MTMR8: variants seen among roughly 807,000 people sequenced by gnomAD.
The protein encoded by MTMR8 is myotubularin related protein 8, also known as phosphatidylinositol-3,5-bisphosphate 3-phosphatase MTMR8.
Under a neutral mutation model 39.3 loss-of-function variants are expected in MTMR8, and 65 were observed. The ratio of observed to expected loss-of-function variants is 1.65; its 90% CI spans 1.35 to 2.03. The LOEUF (loss-of-function observed/expected upper bound fraction) is 2.03, where lower values mean the gene tolerates loss of function less well. Ranked by LOEUF, MTMR8 falls within the 30% of genes most tolerant of loss-of-function variation. The pLI, the probability that MTMR8 is intolerant of heterozygous loss-of-function variation, is 0.00. For synonymous variants in MTMR8, 245 were observed against 185.2 expected (o/e 1.32, Z -2.62); for missense variants, 777 against 538.9 (o/e 1.44, Z -4.37).
At chrX:64,321,072 A>G (rs942213353) in intron 12 of MTMR8, among the ~76,000 whole-genome samples, 14 of 112,007 alleles carry the variant, frequency 1.2e-4, no homozygotes, top group Non-Finnish European at 2.3e-4. Context: ...AGTAGCAACA[A>G]AAAATCCTAG....
chrX:64,286,214 T>A (rs1186923556), intron 12 of MTMR8, among the ~76,000 whole-genome samples: 1 of 111,893 alleles, frequency 8.9e-6, no homozygotes, highest in African/African-American at 3.3e-5. Flanking sequence ...GCAAATAAAC[T>A]AGAAAATCTA....
At chrX:64,352,468 C>T (rs1006177612) in intron 4 of MTMR8, among the ~76,000 whole-genome samples, 3 of 111,670 alleles carry the variant, frequency 2.7e-5, no homozygotes, top group Admixed American at 1.9e-4. Flanking sequence ...TCAACACATT[C>T]CCAGATGTCC....
chrX:64,364,582 C>T (rs972557262), intron 1 of MTMR8, among the ~76,000 whole-genome samples: 1 of 111,651 alleles, frequency 9.0e-6, no homozygotes, highest in Non-Finnish European at 1.9e-5. Context: ...ACAAAAAGGA[C>T]GTCCACACCA....
intron 12 of MTMR8, among the ~76,000 whole-genome samples, chrX:64,297,365 G>T (rs1423730520): frequency 1.7e-4 from 18 of 107,712 alleles, no homozygotes; most frequent in Admixed American, 8.0e-4. Flanking sequence ...GTTTTTTGGC[G>T]GCATAAATGT....
chrX:64,320,040 G>A (rs1922590892), intron 12 of MTMR8, among the ~76,000 whole-genome samples: 2 of 111,404 alleles, frequency 1.8e-5, no homozygotes, highest in East Asian at 2.8e-4. Context: ...CCATGAGCAT[G>A]GAATGTTCTT....
At chrX:64,301,339 G>C (rs1451227720) in intron 12 of MTMR8, among the ~76,000 whole-genome samples, 9 of 105,586 alleles carry the variant, frequency 8.5e-5, no homozygotes, top group African/African-American at 3.1e-4. Flanking sequence ...GTCTTCCATT[G>C]CTGATACCCT....
chrX:64,348,624 G>A, intron 6 of MTMR8, 36 bp downstream of exon 6: 10 of 1,202,748 alleles, frequency 8.3e-6, no homozygotes, highest in Non-Finnish European at 1.1e-5. Context: ...AATGCAAGAG[G>A]CAGAAATATC....
intron 10 of MTMR8, among the ~76,000 whole-genome samples, chrX:64,333,525 C>A (rs1051291127): frequency 8.9e-6 from 1 of 111,913 alleles, no homozygotes; most frequent in East Asian, 2.8e-4. Flanking sequence ...TCTTACTCTA[C>A]CAAAAACTCA....
At chrX:64,283,544 C>T (rs1921040064) in intron 12 of MTMR8, among the ~76,000 whole-genome samples, 1 of 112,257 alleles carries the variant, frequency 8.9e-6, no homozygotes, top group African/African-American at 3.2e-5. Flanking sequence ...GGTCCCTGAT[C>T]CCAGAATAGC....
At chrX:64,297,897 G>T (rs1415068525) in intron 12 of MTMR8, among the ~76,000 whole-genome samples, 2 of 102,765 alleles carry the variant, frequency 1.9e-5, no homozygotes, top group African/African-American at 7.1e-5. Flanking sequence ...GTTGTAGGTA[G>T]GCGGCGTTAT....
intron 4 of MTMR8, among the ~76,000 whole-genome samples, chrX:64,354,121 A>G (rs1923556492): frequency 9.2e-6 from 1 of 108,478 alleles, no homozygotes; most frequent in South Asian, 4.1e-4. Flanking sequence ...AAAAAAAAAA[A>G]TGAACTCATG....
At chrX:64,303,364 A>C (rs1386559156) in intron 12 of MTMR8, among the ~76,000 whole-genome samples, 1 of 112,039 alleles carries the variant, frequency 8.9e-6, no homozygotes, top group Non-Finnish European at 1.9e-5. Flanking sequence ...ACTAGTTTTA[A>C]ACTTTATATT....
intron 2 of MTMR8, among the ~76,000 whole-genome samples, chrX:64,358,032 G>T (rs1923672546): frequency 9.0e-6 from 1 of 111,721 alleles, no homozygotes; most frequent in Non-Finnish European, 1.9e-5. Context: ...AGTCCACTGG[G>T]TTTGAAATAA....
intron 12 of MTMR8, among the ~76,000 whole-genome samples, chrX:64,273,435 AAAG>A (rs1283800152): frequency 1.8e-5 from 2 of 110,292 alleles, no homozygotes; most frequent in African/African-American, 6.6e-5. Flanking sequence ...GTTAAAAAAA[AAAG>A]AAAGAAGTGA....
At chrX:64,301,003 C>T (rs1173730185) in intron 12 of MTMR8, among the ~76,000 whole-genome samples, 2 of 105,970 alleles carry the variant, frequency 1.9e-5, no homozygotes, top group Non-Finnish European at 3.9e-5. Flanking sequence ...TCTGGCTGCC[C>T]TTAACATTTT....
intron 4 of MTMR8, among the ~76,000 whole-genome samples, chrX:64,353,256 T>C (rs1273378319): frequency 9.0e-6 from 1 of 111,591 alleles, no homozygotes; most frequent in Non-Finnish European, 1.9e-5. Flanking sequence ...GGGTTAACAC[T>C]GAGCCAAAAA....
At chrX:64,278,329 C>G (rs1931924743) in intron 12 of MTMR8, among the ~76,000 whole-genome samples, 1 of 109,520 alleles carries the variant, frequency 9.1e-6, no homozygotes, top group Non-Finnish European at 1.9e-5. Context: ...ATGGAATTCT[C>G]AGCCTTTTTG....
intron 12 of MTMR8, among the ~76,000 whole-genome samples, chrX:64,302,443 C>A (rs988359962): frequency 1.8e-5 from 2 of 112,020 alleles, no homozygotes; most frequent in South Asian, 3.7e-4. Context: ...GTGCGCACAC[C>A]CACTGGCCTG....
At chrX:64,376,612 G>A (rs976255852) in intron 1 of MTMR8, among the ~76,000 whole-genome samples, 2 of 112,222 alleles carry the variant, frequency 1.8e-5, no homozygotes, top group African/African-American at 6.5e-5. Context: ...GCTCATATAT[G>A]TGAGCAAAGA....
Sources: gnomAD v4.1 joint callset for allele counts (sites outside exome capture counted in the v4.1 genomes callset) on GRCh38, gnomAD v4.1.1 for gene constraint, MANE v1.5 for transcripts, NCBI Gene and HGNC (gene_info 2026-07-23, HGNC 2026-07-21) for gene names.